SPATS2L: variants seen among roughly 807,000 people sequenced by gnomAD.
SPATS2L encodes SPATS2-like protein.
SPATS2L carries 30 observed loss-of-function variants against 59.6 expected under a neutral mutation model. The observed-to-expected ratio is 0.50, with a 90% CI of 0.38 to 0.68. The LOEUF is 0.68. Among genes scored for constraint, SPATS2L ranks in the 30% least tolerant of loss-of-function variants. The probability of loss-of-function intolerance (pLI) is 0.00; values close to 1 mark genes in which losing one functional copy is unlikely to be tolerated. For missense variants in SPATS2L, 615 were observed against 700.0 expected (o/e 0.88, Z 1.37); for synonymous variants, 252 against 263.5 (o/e 0.96, Z 0.42).
At chr2:200,441,700 A>G (rs897820181) in intron 8 of SPATS2L, among the ~76,000 whole-genome samples, 1 of 152,128 alleles carries the variant, frequency 6.6e-6, no homozygotes, top group Non-Finnish European at 1.5e-5. Flanking sequence ...GCCAGATTAC[A>G]TAATCCTTAG....
chr2:200,369,688 G>C (rs573555001), intron 2 of SPATS2L, among the ~76,000 whole-genome samples: 1 of 151,912 alleles, frequency 6.6e-6, no homozygotes, highest in East Asian at 1.9e-4. Context: ...TAAAAAGCTG[G>C]TAAGAAACAA....
Position 200,351,413 on chromosome 2 carries a change from A to G in SPATS2L, c.-23+21933A>G, listed in dbSNP as rs1363194176. 1.9e-5 allele frequency: 8 copies of G among 426,040 alleles called. No individual in the cohort carries two copies. The East Asian group carries it at 5.8e-4, about 31-fold the overall frequency. The allele number at this position is 426,040 out of a possible 1,614,324, so 26.4% of individuals were successfully genotyped here. A position where few individuals can be genotyped will look rare whatever the true frequency, so the allele number is the denominator to read the frequency against. ...AACATTTGAAGTTGAGATACTTTTC[A>G]AAATCCTGAGAAATTAAAATTAAAT... On this transcript the variant is annotated intron_variant, in intron 2 of 12. Coordinates refer to ENST00000409140, the MANE Select transcript of SPATS2L (RefSeq NM_001100423.2).
intron 2 of SPATS2L, chr2:200,351,249 T>G: frequency 2.1e-6 from 1 of 471,458 alleles, no homozygotes; most frequent in Non-Finnish European, 4.4e-6. Context: ...GTTTGTGTTT[T>G]TAGATGCACT....
intron 1 of SPATS2L, among the ~76,000 whole-genome samples, chr2:200,311,731 C>A (rs993351809): frequency 2.0e-5 from 3 of 152,124 alleles, no homozygotes; most frequent in Admixed American, 1.3e-4. Flanking sequence ...TTGTACAAGG[C>A]ACTGTTTCTG....
intron 6 of SPATS2L, among the ~76,000 whole-genome samples, chr2:200,436,386 A>T (rs1021691914): frequency 6.6e-6 from 1 of 152,204 alleles, no homozygotes; most frequent in Non-Finnish European, 1.5e-5. Flanking sequence ...TGAACAAGAC[A>T]TACATGCATG....
intron 5 of SPATS2L, among the ~76,000 whole-genome samples, chr2:200,416,959 G>A (rs13413843): frequency 0.01 from 1,594 of 152,230 alleles, 24 homozygotes; most frequent in African/African-American, 0.034. Flanking sequence ...GAACACTGGC[G>A]TACTGCTCTT....
Position 200,329,476 on chromosome 2 carries a change from C to T in SPATS2L, c.-27C>T, listed in dbSNP as rs747630997. On this transcript the variant is annotated 5_prime_UTR_variant, in exon 2 of 13. Coordinates refer to ENST00000409140, the MANE Select transcript of SPATS2L (RefSeq NM_001100423.2). Reference sequence around the variant, plus strand: ...GCTTTCAGGAACATTGCTGTGGATTCCCAGGTGAGTAGAGATGGTCCTTCC... The same window carrying T: ...GCTTTCAGGAACATTGCTGTGGATTTCCAGGTGAGTAGAGATGGTCCTTCC... The T allele has an allele frequency of 6.5e-7, 1 of 1,550,370 alleles. No homozygotes were observed. The highest frequency in any genetic ancestry group is 1.2e-5 in the South Asian group (1 of 84,052).
intron 1 of SPATS2L, among the ~76,000 whole-genome samples, chr2:200,311,283 T>C (rs1017347473): frequency 3.9e-5 from 6 of 152,334 alleles, no homozygotes; most frequent in East Asian, 1.9e-4. Flanking sequence ...GATTTTTTTT[T>C]CCCATTTTTC....
chr2:200,439,420 A>C (rs1258753399), intron 7 of SPATS2L, 92 bp downstream of exon 7: 1 of 1,074,934 alleles, frequency 9.3e-7, no homozygotes. Flanking sequence ...GATGCTGCTT[A>C]GTGAAGAGAG....
chr2:200,433,526 T>G (rs996004133), intron 6 of SPATS2L, among the ~76,000 whole-genome samples: 1 of 152,058 alleles, frequency 6.6e-6, no homozygotes, highest in African/African-American at 2.4e-5. Context: ...CATTTAAAAA[T>G]TAATCAATCT....
At chr2:200,399,733 A>AAG (rs2082464529) in intron 3 of SPATS2L, among the ~76,000 whole-genome samples, 1 of 152,146 alleles carries the variant, frequency 6.6e-6, no homozygotes, top group Admixed American at 6.5e-5. Flanking sequence ...ACTCCCCTCA[A>AAG]AGAGAGAGAG....
intron 2 of SPATS2L, among the ~76,000 whole-genome samples, chr2:200,338,923 A>G (rs2080231867): frequency 6.6e-6 from 1 of 152,232 alleles, no homozygotes; most frequent in African/African-American, 2.4e-5. Context: ...AAAGAAAGAA[A>G]GAGAAAGAAC....
intron 12 of SPATS2L, among the ~76,000 whole-genome samples, chr2:200,475,750 G>C (rs6761689): frequency 1.3e-5 from 2 of 152,108 alleles, no homozygotes; most frequent in Non-Finnish European, 2.9e-5. Context: ...GGGTTGGTCT[G>C]CCCTAAACCT....
intron 1 of SPATS2L, among the ~76,000 whole-genome samples, chr2:200,320,469 T>TAA (rs2079526580): frequency 6.6e-6 from 1 of 152,218 alleles, no homozygotes; most frequent in Non-Finnish European, 1.5e-5. Flanking sequence ...TCATTACTCT[T>TAA]AAAGAGAATT....
intron 1 of SPATS2L, among the ~76,000 whole-genome samples, chr2:200,318,015 A>G (rs561212046): frequency 6.6e-6 from 1 of 152,174 alleles, no homozygotes; most frequent in East Asian, 1.9e-4. Flanking sequence ...AATGATTTTG[A>G]TTGGAGGCAA....
intron 2 of SPATS2L, among the ~76,000 whole-genome samples, chr2:200,366,259 C>T (rs757308252): frequency 6.6e-6 from 1 of 152,184 alleles, no homozygotes; most frequent in Non-Finnish European, 1.5e-5. Context: ...CACTTACATA[C>T]ATTAACAGTC....
intron 2 of SPATS2L, among the ~76,000 whole-genome samples, chr2:200,358,575 A>T (rs754992289): frequency 1.3e-5 from 2 of 148,526 alleles, no homozygotes; most frequent in Non-Finnish European, 3.0e-5. Context: ...TTCACTACAT[A>T]CACACAAAGG....
chr2:200,329,960 T>G (rs1360367664), intron 2 of SPATS2L, among the ~76,000 whole-genome samples: 1 of 152,134 alleles, frequency 6.6e-6, no homozygotes, highest in East Asian at 1.9e-4. Flanking sequence ...AAGTCTGACT[T>G]GGAATTGACA....
At chr2:200,368,277 G>A (rs1304492030) in intron 2 of SPATS2L, among the ~76,000 whole-genome samples, 1 of 152,150 alleles carries the variant, frequency 6.6e-6, no homozygotes, top group Non-Finnish European at 1.5e-5. Flanking sequence ...ACATAGTTTA[G>A]TTGACTCAAT....
Sources: gnomAD v4.1 joint callset for allele counts (sites outside exome capture counted in the v4.1 genomes callset) on GRCh38, gnomAD v4.1.1 for gene constraint, MANE v1.5 for transcripts, NCBI Gene and HGNC (gene_info 2026-07-23, HGNC 2026-07-21) for gene names.